The following SETX variants were observed in gnomAD, a reference collection of about 807,000 sequenced individuals.
SETX encodes helicase senataxin.
In SETX, 90 loss-of-function variants were observed where a neutral mutation model predicts 227.2. The ratio of observed to expected loss-of-function variants is 0.40; its 90% CI spans 0.33 to 0.47. The LOEUF is 0.47. SETX is among the 20% of genes least tolerant of loss of function. SETX has a pLI of 0.91. For synonymous variants in SETX, 1,210 were observed against 1,113.2 expected (o/e 1.09, Z -1.73); for missense variants, 3,052 against 3,181.5 (o/e 0.96, Z 0.98).
intron 11 of SETX, among the ~76,000 whole-genome samples, chr9:132,307,336 A>C (rs1224640774): frequency 7.2e-6 from 1 of 139,050 alleles, no homozygotes; most frequent in East Asian, 3.5e-4. Context: ...AGAGCTAAAT[A>C]AGTTTTTTTT....
chr9:132,297,129 A>G lies in SETX; in HGVS notation c.5782-75T>C, dbSNP rs146620546. 150 of 1,309,828 alleles carry G rather than the reference A, an allele frequency of 1.1e-4. No individual in the cohort carries two copies. The African/African-American group carries it at 1.8e-3, about 16-fold the overall frequency. The allele number at this position is 1,309,828 out of a possible 1,614,324, so 81.1% of individuals were successfully genotyped here. On this transcript the variant is annotated intron_variant, in intron 13 of 25. Coordinates refer to ENST00000224140, the MANE Select transcript of SETX (RefSeq NM_015046.7). ...ATTTGAAAGGAAGAACATGAAAAAG[A>G]CCTGTCCAAATTTCTTTCAATGCAT...
At chr9:132,269,324 G>T in intron 25 of SETX, 2 of 1,068,702 alleles carry the variant, frequency 1.9e-6, no homozygotes, top group Non-Finnish European at 2.5e-6. Flanking sequence ...CAATTGCTTT[G>T]GCACTTTACA....
At chr9:132,344,071 C>T in intron 4 of SETX, among the ~76,000 whole-genome samples, 1 of 152,102 alleles carries the variant, frequency 6.6e-6, no homozygotes, top group East Asian at 1.9e-4. Flanking sequence ...TGCAGTTGGC[C>T]CTGAGAAATC....
chr9:132,319,001 T>A (rs1278542860), intron 10 of SETX, among the ~76,000 whole-genome samples: 1 of 152,098 alleles, frequency 6.6e-6, no homozygotes, highest in Non-Finnish European at 1.5e-5. Context: ...TCAACTACAC[T>A]CCCTGGCTTC....
chr9:132,278,019 A>C, intron 21 of SETX, 51 bp downstream of exon 21: 1 of 1,519,630 alleles, frequency 6.6e-7, no homozygotes, highest in South Asian at 1.1e-5. Context: ...TATTCTTCAT[A>C]AGTAGCTAAA....
chr9:132,354,495 C>CAAA (rs11316762), intron 1 of SETX, among the ~76,000 whole-genome samples: 2 of 85,490 alleles, frequency 2.3e-5, no homozygotes, highest in East Asian at 3.1e-4. Flanking sequence ...GACCCCGTCT[C>CAAA]AAAAAAAAAA....
At position 132,329,070 on chromosome 9, in the gene SETX, A is replaced by G; in HGVS notation, c.2528T>C (p.Leu843Ser). The G allele has an allele frequency of 6.2e-7, 1 of 1,610,156 alleles. No homozygotes were observed. The highest frequency in any genetic ancestry group is 8.5e-7 in the Non-Finnish European group (1 of 1,179,264). Residue 843 changes from leucine (L) to serine (S), a missense_variant, in exon 10 of 26, where the codon TTA becomes TCA. By Grantham distance (145) the Leu-to-Ser change is moderately radical. This residue lies in a region of SETX where 1,483 missense variants were observed against 1,312.0 expected (regional missense o/e 1.13). Coordinates refer to ENST00000224140, the MANE Select transcript of SETX (RefSeq NM_015046.7). ...KGDGFIHNLS[L>S]DPSGVLDDKN... ...ATCATCCAGAACACCACTAGGGTCT[A>G]AAGAAAGATTGTGTATGAAACCATC...
intron 15 of SETX, among the ~76,000 whole-genome samples, chr9:132,293,785 G>C (rs867567995): frequency 6.6e-6 from 1 of 152,286 alleles, no homozygotes; most frequent in Non-Finnish European, 1.5e-5. Flanking sequence ...CACTTTGGGA[G>C]GCCGAGGCAG....
intron 12 of SETX, 70 bp from the exon 13 acceptor site, chr9:132,298,382 G>T: frequency 8.2e-7 from 1 of 1,212,570 alleles, no homozygotes; most frequent in Non-Finnish European, 1.2e-6. Flanking sequence ...TAAAGGTCAT[G>T]CAGAATTAGG....
At chr9:132,271,684 A>G (rs779993775) in intron 24 of SETX, 26 bp downstream of exon 24, 9 of 1,565,960 alleles carry the variant, frequency 5.7e-6, no homozygotes, top group African/African-American at 5.4e-5. Context: ...TACAAGTATA[A>G]AAGAGCAACA....
chr9:132,277,262 G>C, intron 21 of SETX, 110 bp from the exon 22 acceptor site: 1 of 836,990 alleles, frequency 1.2e-6, no homozygotes, highest in Non-Finnish European at 2.0e-6. Context: ...GGGCAAGTAA[G>C]GGGATAGCAG....
intron 7 of SETX, among the ~76,000 whole-genome samples, chr9:132,331,979 C>A (rs1021289878): frequency 6.6e-6 from 1 of 152,206 alleles, no homozygotes; most frequent in Non-Finnish European, 1.5e-5. Flanking sequence ...TGACTAAATT[C>A]TTTAGCTAAG....
chr9:132,341,112 C>T (rs955552659), intron 5 of SETX, among the ~76,000 whole-genome samples: 2 of 151,964 alleles, frequency 1.3e-5, no homozygotes, highest in African/African-American at 4.8e-5. Flanking sequence ...TTTGGGAGGC[C>T]GGGGTGGGTG....
rs1842534708 is a variant in SETX, at chr9:132,264,498, G to A, written c.7775C>T (p.Ala2592Val). The change falls in exon 26 of 26, where the codon GCT becomes GTT. Residue 2592 changes from alanine (A) to valine (V), a missense_variant. Transcript: ENST00000224140. ...QDLSHIQQPA[A>V]VVAALSSHKP... is the part of the protein sequence containing the mutation. ...GTGGCTGCTCAGAGCAGCCACTACA[G>A]CAGCGGGCTGCTGTATATGGCTCAG... 2.5e-6 allele frequency: 4 copies of A among 1,613,900 alleles called. No homozygotes were observed. The highest frequency in any genetic ancestry group is 1.3e-5 in the African/African-American group (1 of 75,024).
Position 132,346,388 on chromosome 9 carries a change from T to C in SETX, c.261A>G (p.Leu87=), listed in dbSNP as rs1187663377. The C allele has an allele frequency of 6.2e-7, 1 of 1,613,666 alleles. No homozygotes were observed. The highest frequency in any genetic ancestry group is 8.5e-7 in the Non-Finnish European group (1 of 1,179,732). ...TCTCTCCATTATTGTCTACTATATATAACTCATCATCATCTCCAATTTCTG... is the reference window on the plus strand; with the variant it reads ...TCTCTCCATTATTGTCTACTATATACAACTCATCATCATCTCCAATTTCTG... ...MKAEIGDDDE[L]YIVDNNGEMP... is the part of the protein sequence containing the mutation. Residue 87 remains leucine (L), a synonymous_variant, in exon 4 of 26, where the codon TTA becomes TTG. Coordinates refer to ENST00000224140, the MANE Select transcript of SETX (RefSeq NM_015046.7).
At chr9:132,303,356 A>C (rs1589684482) in intron 11 of SETX, among the ~76,000 whole-genome samples, 2 of 150,844 alleles carry the variant, frequency 1.3e-5, no homozygotes, top group Admixed American at 6.6e-5. Context: ...AAAAAAAAAA[A>C]CCCTTAATCC....
chr9:132,307,045 A>G (rs1217484683), intron 11 of SETX, among the ~76,000 whole-genome samples: 1 of 152,244 alleles, frequency 6.6e-6, no homozygotes, highest in Non-Finnish European at 1.5e-5. Flanking sequence ...ACCTGAGGTC[A>G]GAAGTTCAAG....
Position 132,319,048 on chromosome 9 carries a change from G to A in SETX, c.5275-7192C>T, listed in dbSNP as rs981537582. On this transcript the variant is annotated intron_variant, in intron 10 of 25. Coordinates refer to ENST00000224140, the MANE Select transcript of SETX (RefSeq NM_015046.7). ...TCCCAAAAGAGAGGGCCATTAGCCC[G>A]TGATCATTTGACATCAAGTAAACAG... is the stretch of plus-strand genomic sequence containing the variant. 3.9e-5 allele frequency among the ~76,000 whole-genome samples: 6 copies of A among 152,176 alleles called. No homozygotes were observed. In the South Asian group the frequency reaches 6.2e-4, roughly 16 times the overall value.
At position 132,274,939 on chromosome 9, in the gene SETX, G is replaced by A; in HGVS notation, c.7100+317C>T. On this transcript the variant is annotated intron_variant, in intron 23 of 25. Coordinates refer to ENST00000224140, the MANE Select transcript of SETX (RefSeq NM_015046.7). ...AAGGGTTAAATCATTTATTTAAAGT[G>A]AAATGTTACTTTTAGTCTTGCTAGA... 9.0e-6 allele frequency: 3 copies of A among 334,758 alleles called. No homozygotes were observed. In the South Asian group the frequency reaches 1.4e-4, roughly 15 times the overall value. The allele number at this position is 334,758 out of a possible 1,614,324, so 20.7% of individuals were successfully genotyped here. A position where few individuals can be genotyped will look rare whatever the true frequency, so the allele number is the denominator to read the frequency against.
Sources: allele counts gnomAD v4.1 joint callset (sites outside exome capture counted in the v4.1 genomes callset), GRCh38; gene constraint gnomAD v4.1.1; regional missense constraint gnomAD v4.1.1; transcripts MANE v1.5; gene names NCBI Gene and HGNC (gene_info 2026-07-23, HGNC 2026-07-21).